The following DHRSX variants were observed in gnomAD, a reference collection of about 807,000 sequenced individuals.
The protein encoded by DHRSX is dehydrogenase/reductase X-linked, also known as polyprenol dehydrogenase.
DHRSX carries 31 observed loss-of-function variants against 34.0 expected under a neutral mutation model. The observed-to-expected ratio is 0.91, with a 90% confidence interval of 0.69 to 1.23. The LOEUF is 1.23. Among genes scored for constraint, DHRSX ranks in the 50% most tolerant of loss-of-function variants. The probability of loss-of-function intolerance (pLI) is 0.00; values close to 1 mark genes in which losing one functional copy is unlikely to be tolerated. For synonymous variants in DHRSX, 201 were observed against 183.8 expected (o/e 1.09, Z -0.76); for missense variants, 414 against 428.1 (o/e 0.97, Z 0.29).
chrX:2,457,783 C>T (rs2044326673), intron 1 of DHRSX, among the ~76,000 whole-genome samples: 1 of 147,602 alleles, frequency 6.8e-6, no homozygotes, highest in Non-Finnish European at 1.5e-5. Context: ...AGCATGTGGC[C>T]CAAGGGACAG....
At chrX:2,307,575 C>G (rs2042113677) in intron 3 of DHRSX, among the ~76,000 whole-genome samples, 1 of 151,852 alleles carries the variant, frequency 6.6e-6, no homozygotes, top group Non-Finnish European at 1.5e-5. Context: ...ACCATCCTGG[C>G]TAACATGGTG....
intron 3 of DHRSX, among the ~76,000 whole-genome samples, chrX:2,307,370 C>T (rs997555601): frequency 2.6e-5 from 4 of 151,964 alleles, no homozygotes; most frequent in Admixed American, 6.6e-5. Flanking sequence ...TTTTGTTCAC[C>T]GTTTGAGTGA....
At chrX:2,342,989 T>TC (rs1260219446) in intron 3 of DHRSX, among the ~76,000 whole-genome samples, 10 of 151,972 alleles carry the variant, frequency 6.6e-5, no homozygotes, top group Admixed American at 5.9e-4. Flanking sequence ...CATTCTAGGC[T>TC]CCCCTTGATT....
chrX:2,309,535 T>C (rs2042139080), intron 3 of DHRSX, among the ~76,000 whole-genome samples: 2 of 152,148 alleles, frequency 1.3e-5, no homozygotes, highest in African/African-American at 4.8e-5. Flanking sequence ...AAAGAGCTCC[T>C]AGAATAAATG....
At chrX:2,433,775 T>G (rs185122157) in intron 1 of DHRSX, among the ~76,000 whole-genome samples, 19 of 152,212 alleles carry the variant, frequency 1.2e-4, no homozygotes, top group African/African-American at 4.3e-4. Flanking sequence ...GGTGTATTTT[T>G]CTAACCTTTT....
chrX:2,362,344 A>G (rs1319397234), intron 3 of DHRSX, among the ~76,000 whole-genome samples: 1 of 152,196 alleles, frequency 6.6e-6, no homozygotes. Flanking sequence ...TCTGTTGACC[A>G]GGTTGGAATG....
intron 3 of DHRSX, among the ~76,000 whole-genome samples, chrX:2,304,170 CTGATGGAT>C (rs1391519359): frequency 4.4e-4 from 15 of 34,252 alleles, no homozygotes; most frequent in Non-Finnish European, 8.4e-4. Flanking sequence ...GATGGATGAA[CTGATGGAT>C]GGATGGATGG....
At position 2,220,696 on chromosome X, in the gene DHRSX, A is replaced by C. The variant is rs917400200; in HGVS notation, c.*345T>G. On this transcript the variant is annotated 3_prime_UTR_variant, in exon 7 of 7. Coordinates refer to ENST00000334651, the MANE Select transcript of DHRSX (RefSeq NM_145177.3). ...CAGAGAGGACATTGCAGCCCCTGAA[A>C]AGAGAGCATCTCTCTTGGAACTTTT... 5.3e-5 allele frequency: 14 copies of C among 263,768 alleles called. No homozygotes were observed. The highest frequency in any genetic ancestry group is 3.0e-4 in the African/African-American group (14 of 46,010). The allele number at this position is 263,768 out of a possible 1,614,324, so 16.3% of individuals were successfully genotyped here.
At chrX:2,325,245 A>G (rs2042366584) in intron 3 of DHRSX, among the ~76,000 whole-genome samples, 1 of 151,960 alleles carries the variant, frequency 6.6e-6, no homozygotes, top group African/African-American at 2.4e-5. Flanking sequence ...GGGAGGAACT[A>G]ACGACTAGAC....
chrX:2,446,653 C>T (rs1330307431), intron 1 of DHRSX, among the ~76,000 whole-genome samples: 1 of 151,870 alleles, frequency 6.6e-6, no homozygotes. Flanking sequence ...CATGTACACA[C>T]TGAAGAAGTT....
At chrX:2,388,828 T>TGTAA (rs2043302091) in intron 3 of DHRSX, among the ~76,000 whole-genome samples, 1 of 151,736 alleles carries the variant, frequency 6.6e-6, no homozygotes, top group Admixed American at 6.6e-5. Context: ...ATGTCTTGTT[T>TGTAA]GTAAGTCATC....
At chrX:2,340,458 G>GTATA (rs1401965578) in intron 3 of DHRSX, among the ~76,000 whole-genome samples, 1 of 150,310 alleles carries the variant, frequency 6.7e-6, no homozygotes, top group Non-Finnish European at 1.5e-5. Context: ...GTGTGTGTGT[G>GTATA]TGTATATATA....
At chrX:2,232,744 T>C (rs2015925251) in intron 6 of DHRSX, among the ~76,000 whole-genome samples, 1 of 151,994 alleles carries the variant, frequency 6.6e-6, no homozygotes, top group Non-Finnish European at 1.5e-5. Flanking sequence ...AGCTAATTTT[T>C]TGTATTTTTA....
chrX:2,272,000 C>T (rs773864391), intron 4 of DHRSX, among the ~76,000 whole-genome samples: 1 of 152,170 alleles, frequency 6.6e-6, no homozygotes, highest in East Asian at 1.9e-4. Flanking sequence ...GAGATCACAC[C>T]ACTGCACTCC....
At chrX:2,439,110 A>T (rs2044032512) in intron 1 of DHRSX, among the ~76,000 whole-genome samples, 1 of 151,544 alleles carries the variant, frequency 6.6e-6, no homozygotes, top group East Asian at 1.9e-4. Context: ...ATGCCATTGC[A>T]CTCCAGCCTG....
chrX:2,351,450 G>A (rs1025710366), intron 3 of DHRSX, among the ~76,000 whole-genome samples: 3 of 152,180 alleles, frequency 2.0e-5, no homozygotes, highest in Admixed American at 1.3e-4. Context: ...CCTCAGACAG[G>A]TCATGACTCA....
intron 3 of DHRSX, chrX:2,392,563 TTA>T (rs762994007): frequency 3.0e-4 from 55 of 182,556 alleles, no homozygotes; most frequent in African/African-American, 1.2e-3. Context: ...GTATTATATA[TTA>T]TATGTTACAA....
intron 3 of DHRSX, among the ~76,000 whole-genome samples, chrX:2,324,387 C>T (rs773230912): frequency 5.3e-5 from 8 of 152,302 alleles, no homozygotes; most frequent in African/African-American, 1.9e-4. Flanking sequence ...ATTGCATACA[C>T]ACCCTTCAGA....
chrX:2,345,318 G>C (rs1294926670), intron 3 of DHRSX, among the ~76,000 whole-genome samples: 1 of 151,910 alleles, frequency 6.6e-6, no homozygotes, highest in Non-Finnish European at 1.5e-5. Flanking sequence ...TGGTGGGTAG[G>C]CCTGGTCTAA....
Sources: allele counts gnomAD v4.1 joint callset (sites outside exome capture counted in the v4.1 genomes callset), GRCh38; gene constraint gnomAD v4.1.1; transcripts MANE v1.5; gene names NCBI Gene and HGNC (gene_info 2026-07-23, HGNC 2026-07-21).